The following KIF13B variants were observed in gnomAD, a reference collection of about 807,000 sequenced individuals.
The protein encoded by KIF13B is kinesin-like protein KIF13B.
A neutral mutation model predicts 222.0 loss-of-function variants in KIF13B; 127 were observed. That is an observed-to-expected ratio of 0.57 (90% CI 0.50 to 0.66). The LOEUF is 0.66. KIF13B is among the 30% of genes least tolerant of loss of function. The pLI is 0.00. For synonymous variants in KIF13B, 976 were observed against 919.0 expected, an observed-to-expected ratio of 1.06 and a Z score of -1.12; for missense variants, 2,173 against 2,379.0, an observed-to-expected ratio of 0.91 and a Z score of 1.80.
At chr8:29,223,913 G>C (rs538981351) in intron 2 of KIF13B, among the ~76,000 whole-genome samples, 3 of 151,524 alleles carry the variant, frequency 2.0e-5, no homozygotes, top group South Asian at 2.1e-4. Flanking sequence ...GGATGGTCTC[G>C]ATCTCCTGAC....
At chr8:29,216,660 C>T (rs145759067) in intron 2 of KIF13B, among the ~76,000 whole-genome samples, 1 of 152,074 alleles carries the variant, frequency 6.6e-6, no homozygotes, top group Admixed American at 6.5e-5. Context: ...TAATATTTTG[C>T]CCTCCCACCC....
At chr8:29,247,518 C>T (rs1431460538) in intron 1 of KIF13B, among the ~76,000 whole-genome samples, 1 of 151,960 alleles carries the variant, frequency 6.6e-6, no homozygotes, top group East Asian at 1.9e-4. Flanking sequence ...ATAAAGAACC[C>T]TTACAACTCA....
chr8:29,154,322 G>C (rs370802169), intron 14 of KIF13B, among the ~76,000 whole-genome samples: 3 of 151,762 alleles, frequency 2.0e-5, no homozygotes, highest in Non-Finnish European at 1.5e-5. Flanking sequence ...GTCAAGAAGA[G>C]GGAAGGAAAG....
intron 35 of KIF13B, among the ~76,000 whole-genome samples, chr8:29,107,290 G>C (rs182402453): frequency 6.6e-6 from 1 of 152,144 alleles, no homozygotes; most frequent in African/African-American, 2.4e-5. Flanking sequence ...CACTTTGGGA[G>C]GCTGAGGCAG....
At chr8:29,149,325 C>T (rs1233267122) in intron 15 of KIF13B, among the ~76,000 whole-genome samples, 2 of 152,194 alleles carry the variant, frequency 1.3e-5, no homozygotes, top group Non-Finnish European at 2.9e-5. Context: ...CCCATCTACC[C>T]TTTTCTCAGT....
At position 29,071,708 on chromosome 8, in the gene KIF13B, G is replaced by A. The variant is rs1180806133; in HGVS notation, c.5130C>T (p.Gly1710=). 4.1e-5 allele frequency: 63 copies of A among 1,550,720 alleles called. No individual in the cohort carries two copies. Among genetic ancestry groups the A allele is most frequent in the Non-Finnish European group, 4.4e-5 (50 of 1,147,114 alleles). Residue 1710 remains glycine (G), a synonymous_variant, in exon 39 of 40, where the codon GGC becomes GGT. Coordinates refer to ENST00000524189, the MANE Select transcript of KIF13B (RefSeq NM_015254.4). This position sits in a 1 kb window ranked among gnomAD's most constrained non-coding sequence, Gnocchi z 4.9. ...WLREGEFVTV[G]AHKTGVVRYV... Reference sequence around the variant, plus strand: ...ATCTCACCACGCCCGTTTTGTGGGCGCCCACGGTGACGAACTCGCCCTCTC... The same window carrying A: ...ATCTCACCACGCCCGTTTTGTGGGCACCCACGGTGACGAACTCGCCCTCTC...
chr8:29,130,429 G>T, intron 24 of KIF13B, 104 bp downstream of exon 24: 3 of 1,158,492 alleles, frequency 2.6e-6, no homozygotes, highest in Non-Finnish European at 3.8e-6. Context: ...AAATGGACTT[G>T]GCCAGTCTAG....
At chr8:29,089,545 T>C (rs905054977) in intron 37 of KIF13B, among the ~76,000 whole-genome samples, 2 of 152,074 alleles carry the variant, frequency 1.3e-5, no homozygotes, top group African/African-American at 2.4e-5. Context: ...TCAGGGAATA[T>C]TGTGGAGAGG....
intron 2 of KIF13B, among the ~76,000 whole-genome samples, chr8:29,243,271 T>C (rs1050818545): frequency 2.0e-5 from 3 of 149,716 alleles, no homozygotes. Context: ...TGGTTGAACC[T>C]GGTGGGGCGG....
chr8:29,207,747 A>G (rs1422803008), intron 2 of KIF13B, among the ~76,000 whole-genome samples: 6 of 152,230 alleles, frequency 3.9e-5, no homozygotes, highest in Non-Finnish European at 4.4e-5. Flanking sequence ...TTTTCTCTAT[A>G]GAAGAGACCA....
In KIF13B at chr8:29,073,060, CAGGGGGACGAGG is replaced by C. The variant is rs1427161514; in HGVS notation, c.4522-756_4522-745del. 7.6e-4 allele frequency among the ~76,000 whole-genome samples: 92 copies of C among 121,040 alleles called. 2 individuals carry two copies. The South Asian group carries it at 0.025, about 32-fold the overall frequency. The allele number at this position is 121,040 out of a possible 152,430, so 79.4% of individuals were successfully genotyped here. A position where few individuals can be genotyped will look rare whatever the true frequency, so the allele number is the denominator to read the frequency against. ...TGGCTGGGCATCCCGAGCAAGGCAG[CAGGGGGACGAGG>C]AGGGGTACGAGGAGGGGTATGAGGA... On this transcript the variant is annotated intron_variant, in intron 38 of 39. Coordinates refer to ENST00000524189, the MANE Select transcript of KIF13B (RefSeq NM_015254.4).
At chr8:29,262,552 C>T (rs1816718159) in intron 1 of KIF13B, among the ~76,000 whole-genome samples, 1 of 151,902 alleles carries the variant, frequency 6.6e-6, no homozygotes, top group Admixed American at 6.5e-5. Flanking sequence ...CCGGGCGGTC[C>T]CGAGGCGGGC....
At chr8:29,246,424 T>C (rs922603758) in intron 1 of KIF13B, among the ~76,000 whole-genome samples, 4 of 147,880 alleles carry the variant, frequency 2.7e-5, no homozygotes, top group African/African-American at 1.0e-4. Flanking sequence ...GGTACAACTG[T>C]GATATATCAG....
intron 10 of KIF13B, among the ~76,000 whole-genome samples, chr8:29,173,607 G>A (rs1315325343): frequency 1.3e-5 from 2 of 150,634 alleles, no homozygotes; most frequent in Non-Finnish European, 3.0e-5. Context: ...GGACAACAGA[G>A]AGACCCTGTC....
chr8:29,126,654 C>G, intron 25 of KIF13B, 143 bp from the exon 26 acceptor site: 1 of 649,478 alleles, frequency 1.5e-6, no homozygotes, highest in Non-Finnish European at 2.7e-6. Flanking sequence ...TACCCACACC[C>G]TCACTCTGGG....
chr8:29,123,370 C>G lies in KIF13B; in HGVS notation c.3475G>C (p.Glu1159Gln). 1 of 1,613,874 alleles carries G rather than the reference C, an allele frequency of 6.2e-7. No homozygotes were observed. The highest frequency in any genetic ancestry group is 2.2e-5 in the East Asian group (1 of 44,888). ...GACGCACCACAGGGTTCATACCATT[C>G]TGCTGGGGCCCCTGGAATACCACTG... ...AGSGIPGAPAEWTPVPGMETH... is the reference protein window; with the variant it reads ...AGSGIPGAPAQWTPVPGMETH... The change falls in exon 28 of 40, where the codon GAA becomes CAA. Residue 1159 changes from glutamate to glutamine, a missense_variant. By Grantham distance (29) the Glu-to-Gln change is conservative. Around this residue, in one of 2 missense-constraint regions of KIF13B, gnomAD observed 1,480 missense variants for 1,722.8 expected, o/e 0.86. Coordinates refer to ENST00000524189, the MANE Select transcript of KIF13B (RefSeq NM_015254.4).
At chr8:29,072,941 C>T (rs980105345) in intron 38 of KIF13B, among the ~76,000 whole-genome samples, 2 of 152,006 alleles carry the variant, frequency 1.3e-5, no homozygotes, top group Admixed American at 1.3e-4. Flanking sequence ...TTTTGTCCGG[C>T]AAAACCTAAA....
intron 16 of KIF13B, 130 bp from the exon 17 acceptor site, chr8:29,147,732 A>G: frequency 1.4e-6 from 1 of 690,838 alleles, no homozygotes; most frequent in Non-Finnish European, 2.4e-6. Flanking sequence ...AATTTGGCAT[A>G]AACTTAGCTT....
intron 2 of KIF13B, among the ~76,000 whole-genome samples, chr8:29,233,937 T>C (rs1268926782): frequency 6.6e-6 from 1 of 152,178 alleles, no homozygotes; most frequent in Non-Finnish European, 1.5e-5. Context: ...TAAAGAAAAA[T>C]AGACAGTTAA....
Sources: gnomAD v4.1 joint callset for allele counts (sites outside exome capture counted in the v4.1 genomes callset) on GRCh38, gnomAD v4.1.1 for gene constraint, gnomAD v4.1.1 regional missense constraint, Gnocchi (gnomAD v3.1) non-coding constraint, MANE v1.5 for transcripts, NCBI Gene and HGNC (gene_info 2026-07-23, HGNC 2026-07-21) for gene names.